ANKRD30BL: variants seen among roughly 807,000 people sequenced by gnomAD.
ANKRD30BL encodes ankyrin repeat domain 30B like.
ANKRD30BL carries 20 observed loss-of-function variants against 18.4 expected under a neutral mutation model. The ratio of observed to expected loss-of-function variants is 1.09; its 90% confidence interval spans 0.77 to 1.58. The LOEUF (loss-of-function observed/expected upper bound fraction) is 1.58, where lower values mean the gene tolerates loss of function less well. Ranked by LOEUF, ANKRD30BL falls within the 40% of genes most tolerant of loss-of-function variation. ANKRD30BL has a pLI of 0.00. For synonymous variants in ANKRD30BL, 72 were observed against 100.9 expected (o/e 0.71, Z 1.72); for missense variants, 224 against 268.6 (o/e 0.83, Z 1.16).
intron 1 of ANKRD30BL, among the ~76,000 whole-genome samples, chr2:132,250,796 C>T (rs558652736): frequency 0.014 from 2,060 of 152,210 alleles, 42 homozygotes; most frequent in African/African-American, 0.047. Context: ...CCAGTATTGT[C>T]TTACAAAGAT....
At chr2:132,228,513 A>G (rs1679908138) in intron 1 of ANKRD30BL, among the ~76,000 whole-genome samples, 1 of 151,550 alleles carries the variant, frequency 6.6e-6, no homozygotes, top group Non-Finnish European at 1.5e-5. Context: ...CTTTCTTTTG[A>G]TTGAGCTGTC....
At chr2:132,214,363 A>G (rs1679435808) in intron 1 of ANKRD30BL, among the ~76,000 whole-genome samples, 1 of 151,988 alleles carries the variant, frequency 6.6e-6, no homozygotes, top group Non-Finnish European at 1.5e-5. Flanking sequence ...ATTCTGAGAA[A>G]CTTGTTTGTG....
intron 1 of ANKRD30BL, among the ~76,000 whole-genome samples, chr2:132,208,430 A>G (rs1185430945): frequency 6.6e-6 from 1 of 152,008 alleles, no homozygotes; most frequent in East Asian, 1.9e-4. Flanking sequence ...CCTGAAGTCT[A>G]TGGTAGCTGC....
intron 1 of ANKRD30BL, among the ~76,000 whole-genome samples, chr2:132,221,937 TG>T (rs1679700126): frequency 1.0e-5 from 1 of 98,448 alleles, no homozygotes; most frequent in African/African-American, 4.5e-5. Flanking sequence ...GCCCCCCGCC[TG>T]GCCAGCCGCC....
intron 5 of ANKRD30BL, among the ~76,000 whole-genome samples, chr2:132,149,010 C>T (rs189570140): frequency 3.7e-4 from 57 of 152,172 alleles, no homozygotes; most frequent in African/African-American, 1.3e-3. Flanking sequence ...TGAAGAAATT[C>T]AATAGAGACA....
At chr2:132,160,956 C>T (rs1688040422) in intron 1 of ANKRD30BL, among the ~76,000 whole-genome samples, 1 of 147,768 alleles carries the variant, frequency 6.8e-6, no homozygotes, top group African/African-American at 2.5e-5. Context: ...AACCATCTTC[C>T]CACCTCAAAG....
intron 1 of ANKRD30BL, among the ~76,000 whole-genome samples, chr2:132,192,178 C>A (rs1322354584): frequency 6.6e-6 from 1 of 152,110 alleles, no homozygotes; most frequent in East Asian, 1.9e-4. Context: ...AAACCCTAAG[C>A]AACATAACAC....
intron 1 of ANKRD30BL, among the ~76,000 whole-genome samples, chr2:132,256,490 C>T (rs1680842861): frequency 6.6e-6 from 1 of 152,240 alleles, no homozygotes; most frequent in Admixed American, 6.5e-5. Flanking sequence ...CGCGGGGCGG[C>T]CCCGACGTTT....
intron 1 of ANKRD30BL, among the ~76,000 whole-genome samples, chr2:132,214,157 C>A (rs962787777): frequency 3.3e-5 from 5 of 151,930 alleles, no homozygotes; most frequent in African/African-American, 1.2e-4. Context: ...AAGGAAATAT[C>A]TTCACATAAA....
rs9752399 is a variant in ANKRD30BL, at chr2:132,161,684, G to C, written c.22C>G (p.Pro8Ala). 4.1e-5 allele frequency: 59 copies of C among 1,447,574 alleles called. 1 individual carries two copies. The East Asian group carries it at 1.4e-3, about 34-fold the overall frequency. The allele number at this position is 1,447,574 out of a possible 1,614,324, so 89.7% of individuals were successfully genotyped here. The change falls in exon 1 of 6, where the codon CCT becomes GCT. Residue 8 changes from proline to alanine, a missense_variant. Transcript: ENST00000409867. ...TCTGGGCCCGTCTGGCCCTTGACAG[G>C]GGCGGCAGAGAGCCTCTCCATGGCT... MERLSAA[P>A]VKGQTGPERP...
chr2:132,161,360 G>T (rs1037430989), intron 1 of ANKRD30BL, 128 bp downstream of exon 1: 3 of 952,330 alleles, frequency 3.2e-6, no homozygotes, highest in Non-Finnish European at 4.6e-6. Flanking sequence ...CAGGACGGCC[G>T]CCCCGCTGCC....
intron 1 of ANKRD30BL, among the ~76,000 whole-genome samples, chr2:132,252,417 C>A (rs930607301): frequency 2.6e-4 from 39 of 152,330 alleles, no homozygotes; most frequent in South Asian, 6.2e-4. Flanking sequence ...GACGACACCA[C>A]AGCATCCAGT....
At chr2:132,155,551 T>G (rs1277259965) in intron 3 of ANKRD30BL, 1 of 152,124 alleles carries the variant, frequency 6.6e-6, no homozygotes, top group Admixed American at 6.5e-5. Context: ...TATTAAATGG[T>G]CCATGGGGTT....
intron 1 of ANKRD30BL, among the ~76,000 whole-genome samples, chr2:132,180,468 A>G (rs1418036285): frequency 3.3e-5 from 5 of 152,218 alleles, no homozygotes; most frequent in Admixed American, 1.3e-4. Flanking sequence ...AATTTATTCC[A>G]TCATCAAGTG....
chr2:132,163,384 C>T (rs1221266650), upstream of ANKRD30BL, among the ~76,000 whole-genome samples: 1 of 151,830 alleles, frequency 6.6e-6, no homozygotes. Flanking sequence ...CCTGGGAGTT[C>T]GTGGGTACAG....
At chr2:132,155,402 A>C (rs1236288807) in intron 3 of ANKRD30BL, 1 of 152,184 alleles carries the variant, frequency 6.6e-6, no homozygotes, top group Non-Finnish European at 1.5e-5. Flanking sequence ...TCTGGCTGAT[A>C]CAAACTCACT....
At chr2:132,158,034 T>C (rs1020795411) in intron 1 of ANKRD30BL, among the ~76,000 whole-genome samples, 4 of 152,158 alleles carry the variant, frequency 2.6e-5, no homozygotes. Context: ...TTGTTACAAG[T>C]ATATTTTGCA....
chr2:132,211,292 T>C (rs1259667183), intron 1 of ANKRD30BL, among the ~76,000 whole-genome samples: 5 of 152,028 alleles, frequency 3.3e-5, no homozygotes, highest in African/African-American at 7.2e-5. Context: ...TCTCACAGAG[T>C]TGAACCTTTC....
At chr2:132,152,687 A>G (rs1687791485) in intron 4 of ANKRD30BL, 1 of 152,206 alleles carries the variant, frequency 6.6e-6, no homozygotes, top group Non-Finnish European at 1.5e-5. Context: ...GGTAACAAAG[A>G]CAAAATGGAT....
Sources: gnomAD v4.1 joint callset for allele counts (sites outside exome capture counted in the v4.1 genomes callset) on GRCh38, gnomAD v4.1.1 for gene constraint, MANE v1.5 for transcripts, NCBI Gene and HGNC (gene_info 2026-07-23, HGNC 2026-07-21) for gene names.